Variants in WDR35 observed in about 807,000 individuals in gnomAD.
The protein encoded by WDR35 is WD repeat domain 35.
In WDR35, 118 loss-of-function variants were observed where a neutral mutation model predicts 158.3. The observed-to-expected ratio is 0.75, with a 90% confidence interval of 0.64 to 0.87. The LOEUF is 0.87. Among genes scored for constraint, WDR35 ranks in the 40% least tolerant of loss-of-function variants. WDR35 has a pLI of 0.00. For missense variants in WDR35, 1,263 were observed against 1,405.8 expected (o/e 0.90, Z 1.62); for synonymous variants, 448 against 476.1 (o/e 0.94, Z 0.77).
At position 19,960,572 on chromosome 2, in the gene WDR35, G is replaced by A; in HGVS notation, c.1237C>T (p.Pro413Ser). ...LCNSIGTPLD[P>S]KYIDIVPLFV... The stretch of plus-strand genomic sequence containing the variant: ...TCCTTACCAATATCAATGTATTTGG[G>A]ATCCAAGGGTGTACCAATAGAATTA... Residue 413 changes from proline (P) to serine (S), a missense_variant, in exon 11 of 27, where the codon CCC (proline) becomes TCC (serine). Pro to Ser is a moderately conservative substitution (Grantham distance 74). Transcript: ENST00000281405. The A allele has an allele frequency of 6.2e-7, 1 of 1,609,200 alleles. No individual in the cohort carries two copies. Among genetic ancestry groups the A allele is most frequent in the Non-Finnish European group, 8.5e-7 (1 of 1,176,634 alleles).
chr2:19,955,698 C>T (rs1007300768), intron 11 of WDR35, among the ~76,000 whole-genome samples: 1 of 151,978 alleles, frequency 6.6e-6, no homozygotes, highest in Admixed American at 6.6e-5. Flanking sequence ...TTAATATGGC[C>T]GGAATAAAGA....
intron 9 of WDR35, among the ~76,000 whole-genome samples, chr2:19,967,147 T>G (rs1671882284): frequency 6.6e-6 from 1 of 152,126 alleles, no homozygotes; most frequent in African/African-American, 2.4e-5. Context: ...TAACTTTCCT[T>G]ATTTTAATTG....
intron 25 of WDR35, among the ~76,000 whole-genome samples, chr2:19,915,097 CTTAATATTAGATTTAATATTAAGAT>C (rs201900908): frequency 0.1 from 15,919 of 151,962 alleles, 921 homozygotes; most frequent in South Asian, 0.2. Flanking sequence ...AAAAAGCAGA[CTTAATATTAGATTTAATATTAAGAT>C]TTAATATTAG....
intron 8 of WDR35, among the ~76,000 whole-genome samples, chr2:19,973,360 A>C (rs1259089789): frequency 6.6e-6 from 1 of 152,110 alleles, no homozygotes; most frequent in Non-Finnish European, 1.5e-5. Context: ...AATGTATAAA[A>C]TTGTAATTTT....
intron 10 of WDR35, among the ~76,000 whole-genome samples, chr2:19,964,135 T>G (rs753007877): frequency 5.3e-5 from 8 of 152,204 alleles, no homozygotes; most frequent in Non-Finnish European, 7.3e-5. Context: ...ATGCCACTTA[T>G]GATCCTTGAC....
At chr2:19,952,212 T>A (rs935472018) in intron 12 of WDR35, among the ~76,000 whole-genome samples, 2 of 152,184 alleles carry the variant, frequency 1.3e-5, no homozygotes, top group African/African-American at 2.4e-5. Context: ...TTCCACACTT[T>A]ATGTCCATGT....
chr2:19,952,521 G>A (rs1407502117), intron 12 of WDR35, among the ~76,000 whole-genome samples: 1 of 152,038 alleles, frequency 6.6e-6, no homozygotes, highest in Non-Finnish European at 1.5e-5. Context: ...AATCTCTTTA[G>A]CAGCTATAAG....
chr2:19,980,510 AG>A (rs1349388081), intron 4 of WDR35, among the ~76,000 whole-genome samples, 180 bp downstream of exon 4: 7 of 152,228 alleles, frequency 4.6e-5, no homozygotes, highest in African/African-American at 7.2e-5. Context: ...ACAGGGTTAA[AG>A]TTTTAAAAAA....
intron 25 of WDR35, among the ~76,000 whole-genome samples, chr2:19,922,417 G>C (rs1013745057): frequency 2.0e-5 from 3 of 152,140 alleles, no homozygotes; most frequent in African/African-American, 4.8e-5. Context: ...ATGTCCTTTG[G>C]AGGGACGTGG....
At chr2:19,961,905 C>T (rs184853404) in intron 10 of WDR35, among the ~76,000 whole-genome samples, 10 of 152,240 alleles carry the variant, frequency 6.6e-5, no homozygotes, top group African/African-American at 1.9e-4. Flanking sequence ...AGAGTTTTGG[C>T]GGGAAATCAT....
intron 13 of WDR35, among the ~76,000 whole-genome samples, 191 bp from the exon 14 acceptor site, chr2:19,948,408 T>C (rs551786365): frequency 1.3e-5 from 2 of 152,320 alleles, no homozygotes; most frequent in South Asian, 4.1e-4. Context: ...ATCTTCATCT[T>C]CAGAGATTAC....
Position 19,987,485 on chromosome 2 carries a change from A to G in WDR35, c.142+1680T>C, listed in dbSNP as rs576289687. 2.6e-5 allele frequency among the ~76,000 whole-genome samples: 4 copies of G among 152,306 alleles called. No individual in the cohort carries two copies. In the East Asian group the frequency reaches 5.8e-4, roughly 22 times the overall value. ...GCAGAAAAAGAAGTTTGTTTTTAAA[A>G]AAGCCTTCAATGTTAAACAAAATGA... On this transcript the variant is annotated intron_variant, in intron 2 of 26. Coordinates refer to ENST00000281405, the MANE Select transcript of WDR35 (RefSeq NM_020779.4).
chr2:19,932,060 T>C (rs1043355055), intron 23 of WDR35, among the ~76,000 whole-genome samples: 3 of 152,118 alleles, frequency 2.0e-5, no homozygotes, highest in Non-Finnish European at 4.4e-5. Flanking sequence ...AACTCCAGTA[T>C]TCAACATACA....
intron 14 of WDR35, among the ~76,000 whole-genome samples, chr2:19,947,310 G>A (rs1671090692): frequency 1.3e-5 from 2 of 152,142 alleles, no homozygotes; most frequent in Admixed American, 1.3e-4. Context: ...TGCAGCATGA[G>A]TCTCATGAGG....
intron 16 of WDR35, among the ~76,000 whole-genome samples, chr2:19,942,506 T>C (rs144642951): frequency 9.9e-5 from 15 of 151,808 alleles, no homozygotes; most frequent in African/African-American, 2.2e-4. Flanking sequence ...TATTATAAAG[T>C]AGCTGCCCTA....
At chr2:19,969,634 A>C (rs761402542) in intron 8 of WDR35, 29 bp from the exon 9 acceptor site, 2 of 1,608,894 alleles carry the variant, frequency 1.2e-6, no homozygotes, top group South Asian at 2.2e-5. Flanking sequence ...TTTAACCTAA[A>C]GTATAACAAT....
At chr2:19,961,831 G>A (rs1350273283) in intron 10 of WDR35, among the ~76,000 whole-genome samples, 1 of 152,206 alleles carries the variant, frequency 6.6e-6, no homozygotes, top group Non-Finnish European at 1.5e-5. Context: ...AACTTCACCA[G>A]AGTCTCTCCC....
intron 10 of WDR35, among the ~76,000 whole-genome samples, chr2:19,962,797 A>T (rs1671704946): frequency 6.6e-6 from 1 of 152,208 alleles, no homozygotes; most frequent in Non-Finnish European, 1.5e-5. Context: ...ATCATATTTT[A>T]AAAAATCATA....
chr2:19,913,499 C>T lies in WDR35; in HGVS notation c.*59G>A. Reference sequence around the variant, plus strand: ...GAAATAAACCTTATTACATATACAGCATATAGCCATGTATATATGCTACAT... The same window carrying T: ...GAAATAAACCTTATTACATATACAGTATATAGCCATGTATATATGCTACAT... On this transcript the variant is annotated 3_prime_UTR_variant, in exon 27 of 27. Coordinates refer to ENST00000281405, the MANE Select transcript of WDR35 (RefSeq NM_020779.4). The T allele has an allele frequency of 4.2e-5, 67 of 1,592,240 alleles. No homozygotes were observed. The highest frequency in any genetic ancestry group is 5.6e-5 in the Non-Finnish European group (65 of 1,160,524).
Sources: gnomAD v4.1 joint callset for allele counts (sites outside exome capture counted in the v4.1 genomes callset) on GRCh38, gnomAD v4.1.1 for gene constraint, MANE v1.5 for transcripts, NCBI Gene and HGNC (gene_info 2026-07-23, HGNC 2026-07-21) for gene names.